The following GRM8 variants were observed in gnomAD, a reference collection of about 807,000 sequenced individuals.
GRM8 encodes glutamate metabotropic receptor 8, also known as metabotropic glutamate receptor 8.
A neutral mutation model predicts 87.2 loss-of-function variants in GRM8; 47 were observed. The observed-to-expected ratio is 0.54, with a 90% CI of 0.43 to 0.69. GRM8 has a LOEUF of 0.69. Ranked by LOEUF, GRM8 falls within the 30% of genes least tolerant of loss-of-function variation. The pLI is 0.00. For synonymous variants in GRM8, 396 were observed against 404.5 expected (o/e 0.98, Z 0.25); for missense variants, 1,019 against 1,139.2 (o/e 0.89, Z 1.52).
intron 3 of GRM8, among the ~76,000 whole-genome samples, chr7:127,104,241 ATC>A (rs1392984970): frequency 6.6e-6 from 1 of 152,204 alleles, no homozygotes; most frequent in Non-Finnish European, 1.5e-5. Flanking sequence ...GAATGTATAC[ATC>A]TCTTTCTCAC....
At chr7:126,532,775 A>C (rs1366699460) in intron 9 of GRM8, among the ~76,000 whole-genome samples, 177 bp downstream of exon 9, 1 of 8,066 alleles carries the variant, frequency 1.2e-4, no homozygotes, top group Non-Finnish European at 2.4e-4. Context: ...ATATATATAT[A>C]TATATATATA....
chr7:127,015,038 AAG>A (rs1815331936), intron 3 of GRM8, among the ~76,000 whole-genome samples: 4 of 125,510 alleles, frequency 3.2e-5, no homozygotes, highest in South Asian at 2.8e-4. Context: ...GAAGAAGAAG[AAG>A]AAGAAGAAGA....
chr7:127,001,034 T>C (rs2132030968), intron 3 of GRM8, among the ~76,000 whole-genome samples: 1 of 151,664 alleles, frequency 6.6e-6, no homozygotes, highest in South Asian at 2.1e-4. Context: ...ACAGAAACAC[T>C]ACAATAATCA....
chr7:126,532,936 A>G lies in GRM8; in HGVS notation c.2430+16T>C, dbSNP rs747131007. On this transcript the variant is annotated intron_variant, in intron 9 of 10. Coordinates refer to ENST00000339582, the MANE Select transcript of GRM8 (RefSeq NM_000845.3). ...AATCCAGGAAAAAGTTGTCAAGTGTATTTCCTTCTACTTACCTTTTCTGCT... is the reference window on the plus strand; with the variant it reads ...AATCCAGGAAAAAGTTGTCAAGTGTGTTTCCTTCTACTTACCTTTTCTGCT... 4 of 1,515,910 alleles carry G rather than the reference A, an allele frequency of 2.6e-6. No individual in the cohort carries two copies. The highest frequency in any genetic ancestry group is 2.4e-5 in the South Asian group (2 of 83,632). The allele number at this position is 1,515,910 out of a possible 1,614,324, so 93.9% of individuals were successfully genotyped here.
chr7:127,071,022 C>T (rs1180019042), intron 3 of GRM8, among the ~76,000 whole-genome samples: 1 of 152,122 alleles, frequency 6.6e-6, no homozygotes, highest in African/African-American at 2.4e-5. Context: ...CCTTCCAAAT[C>T]GTCTAGCTAG....
intron 3 of GRM8, among the ~76,000 whole-genome samples, chr7:127,021,693 C>T (rs966464509): frequency 6.6e-6 from 1 of 151,984 alleles, no homozygotes; most frequent in Non-Finnish European, 1.5e-5. Flanking sequence ...ATCTACTTGC[C>T]ATGCTCTTAA....
intron 7 of GRM8, among the ~76,000 whole-genome samples, chr7:126,655,758 A>G (rs1307715452): frequency 6.6e-6 from 1 of 152,210 alleles, no homozygotes; most frequent in Non-Finnish European, 1.5e-5. Context: ...GTCCAAATCT[A>G]AAGAAGATAT....
chr7:126,442,849 T>C, intron 10 of GRM8, among the ~76,000 whole-genome samples: 1 of 152,008 alleles, frequency 6.6e-6, no homozygotes, highest in Non-Finnish European at 1.5e-5. Flanking sequence ...TCCTACTGGT[T>C]AGAAAAGGAA....
intron 6 of GRM8, among the ~76,000 whole-genome samples, chr7:126,812,364 CA>C (rs1793380102): frequency 6.6e-6 from 1 of 151,912 alleles, no homozygotes; most frequent in African/African-American, 2.4e-5. Context: ...GCTTACTACA[CA>C]ACTAGGCTAT....
At chr7:126,588,308 T>A (rs1261983340) in intron 8 of GRM8, among the ~76,000 whole-genome samples, 2 of 134,328 alleles carry the variant, frequency 1.5e-5, no homozygotes, top group African/African-American at 5.0e-5. Flanking sequence ...GATAGAAAGT[T>A]GAAAAGTGTT....
intron 3 of GRM8, among the ~76,000 whole-genome samples, chr7:127,065,916 C>T (rs976124162): frequency 3.3e-5 from 5 of 152,170 alleles, no homozygotes; most frequent in Admixed American, 6.5e-5. Flanking sequence ...ATGAATTTTT[C>T]TCTTTCTTAC....
At chr7:126,563,778 A>G (rs1160347066) in intron 8 of GRM8, among the ~76,000 whole-genome samples, 1 of 152,226 alleles carries the variant, frequency 6.6e-6, no homozygotes, top group African/African-American at 2.4e-5. Context: ...AACAAAACCT[A>G]CAGGTATACT....
intron 9 of GRM8, among the ~76,000 whole-genome samples, chr7:126,463,657 C>T (rs1203037259): frequency 6.6e-6 from 1 of 151,558 alleles, no homozygotes; most frequent in Non-Finnish European, 1.5e-5. Context: ...CCTTCAGTAC[C>T]AGAGGGAGTT....
intron 6 of GRM8, among the ~76,000 whole-genome samples, chr7:126,778,729 G>A (rs1473789657): frequency 6.6e-6 from 1 of 151,944 alleles, no homozygotes; most frequent in Non-Finnish European, 1.5e-5. Flanking sequence ...ATTTGGGCCT[G>A]GAAATTCCCA....
chr7:127,072,634 CTT>C (rs34143758), intron 3 of GRM8, among the ~76,000 whole-genome samples: 30 of 144,150 alleles, frequency 2.1e-4, no homozygotes, highest in African/African-American at 6.3e-4. Context: ...TCATATTATA[CTT>C]TTTTTTTTTT....
At chr7:127,134,028 A>G (rs1351472216) in intron 2 of GRM8, among the ~76,000 whole-genome samples, 1 of 152,178 alleles carries the variant, frequency 6.6e-6, no homozygotes, top group African/African-American at 2.4e-5. Context: ...TATTATCTCC[A>G]TTCATCCTCA....
intron 3 of GRM8, among the ~76,000 whole-genome samples, chr7:126,982,325 C>A (rs776715135): frequency 6.6e-6 from 1 of 152,168 alleles, no homozygotes; most frequent in African/African-American, 2.4e-5. Flanking sequence ...TTTGGCAACA[C>A]CCTCACAGAC....
At chr7:126,872,063 T>C (rs1390460109) in intron 6 of GRM8, among the ~76,000 whole-genome samples, 2 of 152,174 alleles carry the variant, frequency 1.3e-5, no homozygotes, top group Non-Finnish European at 2.9e-5. Flanking sequence ...AACTTGTGTA[T>C]GTCTATAAGT....
Position 126,921,061 on chromosome 7 carries a change from GA to G in GRM8, c.728-16379del, listed in dbSNP as rs567222403. On this transcript the variant is annotated intron_variant, in intron 3 of 10. Transcript: ENST00000339582. Reference sequence around the variant, plus strand: ...TCTTAATATCACAGCAGACATTTGAGAGGAGCCTTTACCGTGAAAGTCAGGA... The same window carrying G: ...TCTTAATATCACAGCAGACATTTGAGGGAGCCTTTACCGTGAAAGTCAGGA... Among the ~76,000 whole-genome samples the G allele has an allele frequency of 1.3e-3, 196 of 152,228 alleles. 1 individual carries two copies. Among genetic ancestry groups the G allele is most frequent in the African/African-American group, 4.6e-3 (193 of 41,538 alleles).
Sources: allele counts gnomAD v4.1 joint callset (sites outside exome capture counted in the v4.1 genomes callset), GRCh38; gene constraint gnomAD v4.1.1; transcripts MANE v1.5; gene names NCBI Gene and HGNC (gene_info 2026-07-23, HGNC 2026-07-21).